The following DCDC1 variants were observed in gnomAD, a reference collection of about 807,000 sequenced individuals.
DCDC1 encodes doublecortin domain containing 1.
A neutral mutation model predicts 178.3 loss-of-function variants in DCDC1; 200 were observed. That is an observed-to-expected ratio of 1.12 (90% confidence interval 1.00 to 1.26). The LOEUF is 1.26. Among genes scored for constraint, DCDC1 ranks in the 50% most tolerant of loss-of-function variants. The probability of loss-of-function intolerance (pLI) is 0.00; values close to 1 mark genes in which losing one functional copy is unlikely to be tolerated. For missense variants in DCDC1, 1,983 were observed against 1,749.2 expected, an observed-to-expected ratio of 1.13 and a Z score of -2.38; for synonymous variants, 690 against 604.8, an observed-to-expected ratio of 1.14 and a Z score of -2.07.
intron 12 of DCDC1, among the ~76,000 whole-genome samples, chr11:31,107,711 G>T (rs1329853468): frequency 6.6e-6 from 1 of 152,130 alleles, no homozygotes. Flanking sequence ...TGCTGCATAT[G>T]GTATTTGAAA....
chr11:30,984,512 C>T (rs1950542356), intron 20 of DCDC1, among the ~76,000 whole-genome samples: 1 of 152,178 alleles, frequency 6.6e-6, no homozygotes, highest in African/African-American at 2.4e-5. Flanking sequence ...CTAATCTGAT[C>T]TCAGGGTGAG....
intron 36 of DCDC1, among the ~76,000 whole-genome samples, chr11:30,884,048 T>TTTTTTTTTTTTA (rs1565023355): frequency 6.8e-6 from 1 of 147,296 alleles, no homozygotes; most frequent in African/African-American, 2.5e-5. Flanking sequence ...TTTTTTTTTT[T>TTTTTTTTTTTTA]GAGACAGGGT....
At chr11:30,979,565 C>T (rs926050506) in intron 20 of DCDC1, among the ~76,000 whole-genome samples, 1 of 152,164 alleles carries the variant, frequency 6.6e-6, no homozygotes, top group Non-Finnish European at 1.5e-5. Context: ...GGTCTAGATG[C>T]TGTTTCTCTT....
Position 30,873,934 on chromosome 11 carries a change from A to T in DCDC1, c.*40+4610T>A, listed in dbSNP as rs1428403544. On this transcript the variant is annotated intron_variant, in intron 38 of 38. Coordinates refer to ENST00000684477, the MANE Select transcript of DCDC1 (RefSeq NM_001387274.1). The stretch of plus-strand genomic sequence containing the variant: ...AACATGGAAAGCTTCAGCACCTCAA[A>T]CTCACTTGTTTAGCCTTCCAATGTC... Among the ~76,000 whole-genome samples, 4 of 151,908 alleles carry T rather than the reference A, an allele frequency of 2.6e-5. No individual in the cohort carries two copies. The East Asian group carries it at 7.7e-4, about 29-fold the overall frequency.
chr11:31,157,823 T>C (rs899746769), intron 9 of DCDC1, among the ~76,000 whole-genome samples: 1 of 152,152 alleles, frequency 6.6e-6, no homozygotes, highest in Non-Finnish European at 1.5e-5. Flanking sequence ...TTAAAAATGA[T>C]TTAAAATGGT....
At chr11:31,274,287 T>TTTTATTCATCAATTTTGAA (rs1456686441) in intron 7 of DCDC1, among the ~76,000 whole-genome samples, 1 of 152,210 alleles carries the variant, frequency 6.6e-6, no homozygotes, top group African/African-American at 2.4e-5. Context: ...GATATGTTTC[T>TTTTATTCATCAATTTTGAA]TTTATTCATC....
chr11:30,874,339 C>T (rs757471108), intron 38 of DCDC1, among the ~76,000 whole-genome samples: 48 of 152,098 alleles, frequency 3.2e-4, no homozygotes, highest in Non-Finnish European at 5.9e-4. Flanking sequence ...ATCTAGCACA[C>T]CAGGTGTTTC....
At chr11:31,050,055 G>A (rs1955138692) in intron 20 of DCDC1, among the ~76,000 whole-genome samples, 1 of 152,160 alleles carries the variant, frequency 6.6e-6, no homozygotes, top group Non-Finnish European at 1.5e-5. Flanking sequence ...CACAGGTAGG[G>A]GAAGAACTAA....
At chr11:31,243,142 T>C (rs544364584) in intron 8 of DCDC1, among the ~76,000 whole-genome samples, 16 of 151,636 alleles carry the variant, frequency 1.1e-4, no homozygotes, top group Non-Finnish European at 2.4e-4. Flanking sequence ...AGATCATAAA[T>C]ATTATAAAAG....
At chr11:31,036,937 T>G (rs973709619) in intron 20 of DCDC1, among the ~76,000 whole-genome samples, 9 of 152,232 alleles carry the variant, frequency 5.9e-5, no homozygotes, top group Non-Finnish European at 8.8e-5. Flanking sequence ...ATTACTATTA[T>G]GACTATTATG....
At chr11:31,128,049 A>T (rs1291071830) in intron 10 of DCDC1, among the ~76,000 whole-genome samples, 1 of 151,998 alleles carries the variant, frequency 6.6e-6, no homozygotes, top group Non-Finnish European at 1.5e-5. Context: ...TCCTTTTTAG[A>T]ATATTTTATT....
chr11:31,242,265 T>C (rs1378481428), intron 8 of DCDC1, among the ~76,000 whole-genome samples: 1 of 151,924 alleles, frequency 6.6e-6, no homozygotes, highest in Admixed American at 6.6e-5. Flanking sequence ...GTTTTGTAAA[T>C]AGATAAAAGA....
At chr11:31,128,853 C>T (rs1962019880) in intron 10 of DCDC1, among the ~76,000 whole-genome samples, 1 of 152,116 alleles carries the variant, frequency 6.6e-6, no homozygotes, top group African/African-American at 2.4e-5. Flanking sequence ...TAGGTGTTTT[C>T]TGCATAACAA....
chr11:30,998,574 C>A (rs921242079), intron 20 of DCDC1, among the ~76,000 whole-genome samples: 24 of 152,094 alleles, frequency 1.6e-4, no homozygotes, highest in Non-Finnish European at 2.8e-4. Flanking sequence ...TTAAAAATGA[C>A]AGAAATAACA....
chr11:31,154,170 T>C (rs902667752), intron 9 of DCDC1, among the ~76,000 whole-genome samples: 2 of 152,232 alleles, frequency 1.3e-5, no homozygotes, highest in African/African-American at 2.4e-5. Flanking sequence ...CCTTTCTCCA[T>C]GATAGTAAGT....
intron 2 of DCDC1, among the ~76,000 whole-genome samples, chr11:31,330,808 G>A (rs1219306253): frequency 6.6e-6 from 1 of 152,196 alleles, no homozygotes; most frequent in Non-Finnish European, 1.5e-5. Flanking sequence ...TAGCCTTGTA[G>A]TATAGTTTGA....
chr11:31,071,160 T>C (rs529682198), intron 18 of DCDC1, among the ~76,000 whole-genome samples: 1 of 152,266 alleles, frequency 6.6e-6, no homozygotes, highest in East Asian at 1.9e-4. Context: ...TCTTACCCGA[T>C]TTTTCTCAAT....
At position 31,143,598 on chromosome 11, in the gene DCDC1, C is replaced by G. The variant is rs28679334; in HGVS notation, c.1222-5814G>C. 2.1e-4 allele frequency among the ~76,000 whole-genome samples: 32 copies of G among 152,298 alleles called. No homozygotes were observed. In the East Asian group the frequency reaches 5.8e-3, roughly 28 times the overall value. On this transcript the variant is annotated intron_variant, in intron 9 of 38. Transcript: ENST00000684477. ...TACAATGCAGGCAGAACTGAAGACTCAGTTCTCAGCTCTGCATTGGCTCAA... is the reference window on the plus strand; with the variant it reads ...TACAATGCAGGCAGAACTGAAGACTGAGTTCTCAGCTCTGCATTGGCTCAA...
intron 21 of DCDC1, among the ~76,000 whole-genome samples, chr11:30,936,287 C>A (rs762793868): frequency 4.6e-5 from 7 of 152,142 alleles, no homozygotes; most frequent in East Asian, 1.9e-4. Flanking sequence ...GAGGGACAAT[C>A]CCAAGTCTTT....
Sources: allele counts gnomAD v4.1 joint callset (sites outside exome capture counted in the v4.1 genomes callset), GRCh38; gene constraint gnomAD v4.1.1; transcripts MANE v1.5; gene names NCBI Gene and HGNC (gene_info 2026-07-23, HGNC 2026-07-21).